HSPA14: variants seen among roughly 807,000 people sequenced by gnomAD.
HSPA14 encodes heat shock protein family A (Hsp70) member 14.
In HSPA14, 37 loss-of-function variants were observed where a neutral mutation model predicts 65.5. The ratio of observed to expected loss-of-function variants is 0.56; its 90% CI spans 0.43 to 0.74. The LOEUF (loss-of-function observed/expected upper bound fraction) is 0.74, where lower values mean the gene tolerates loss of function less well. Among genes scored for constraint, HSPA14 ranks in the 30% least tolerant of loss-of-function variants. The pLI is 0.00. For missense variants in HSPA14, 564 were observed against 607.6 expected (o/e 0.93, Z 0.75); for synonymous variants, 203 against 214.2 (o/e 0.95, Z 0.46).
At chr10:14,865,349 G>A (rs1050917853) in intron 10 of HSPA14, among the ~76,000 whole-genome samples, 11 of 151,214 alleles carry the variant, frequency 7.3e-5, no homozygotes, top group African/African-American at 2.7e-4. Flanking sequence ...TGTCAATTTT[G>A]GCTTTTGTTG....
rs1832687886 is a variant in HSPA14 at position 14,855,853 on chromosome 10, A to T, written c.903A>T (p.Glu301Asp). 2 of 1,593,990 alleles carry T rather than the reference A, an allele frequency of 1.3e-6. No individual in the cohort carries two copies. Among genetic ancestry groups the T allele is most frequent in the South Asian group, 2.2e-5 (2 of 90,592 alleles). Reference sequence around the variant, plus strand: ...TATGTGTGTACAGAGCAAGATTTGAACTTCTTTGTTCTCCACTTTTTAATA... The same window carrying T: ...TATGTGTGTACAGAGCAAGATTTGATCTTCTTTGTTCTCCACTTTTTAATA... ...FDCNVSRARF[E>D]LLCSPLFNKC... The change falls in exon 10 of 14, where the codon GAA becomes GAT. Residue 301 changes from glutamate to aspartate, a missense_variant. By Grantham distance (45) the Glu-to-Asp change is conservative (BLOSUM62 2). Coordinates refer to ENST00000378372, the MANE Select transcript of HSPA14 (RefSeq NM_016299.4).
At chr10:14,867,626 C>T (rs1276826121) in intron 11 of HSPA14, 110 bp from the exon 12 acceptor site, 2 of 896,010 alleles carry the variant, frequency 2.2e-6, no homozygotes, top group Non-Finnish European at 3.4e-6. Flanking sequence ...TTCTCTTTGC[C>T]TAGTGTCCTG....
chr10:14,844,162 T>G, intron 3 of HSPA14: 1 of 1,281,310 alleles, frequency 7.8e-7, no homozygotes, highest in Admixed American at 3.7e-5. Flanking sequence ...GTCACAGATG[T>G]GAAGCAGTTT....
At chr10:14,839,072 C>T (rs1483585798) in intron 1 of HSPA14, among the ~76,000 whole-genome samples, 1 of 152,328 alleles carries the variant, frequency 6.6e-6, no homozygotes, top group East Asian at 1.9e-4. Context: ...GCAAAGCTGC[C>T]TGGCTGTGAA....
Position 14,867,257 on chromosome 10 carries a change from C to T in HSPA14, c.1168C>T (p.Leu390Phe). The T allele has an allele frequency of 6.2e-7, 1 of 1,613,468 alleles. No homozygotes were observed. Among genetic ancestry groups the T allele is most frequent in the Non-Finnish European group, 8.5e-7 (1 of 1,179,528 alleles). ...AGAAAACCTGTTGGTGGAAGACTCT[C>T]TTATGATAGAGTGTTCAGCCAGAGA... ...GKENLLVEDSLMIECSARDIL... is the reference protein window; with the variant it reads ...GKENLLVEDSFMIECSARDIL... Residue 390 changes from leucine (L) to phenylalanine (F), a missense_variant, in exon 11 of 14, where the codon CTT becomes TTT. Leu to Phe is a conservative substitution (Grantham distance 22). Coordinates refer to ENST00000378372, the MANE Select transcript of HSPA14 (RefSeq NM_016299.4).
At chr10:14,858,257 T>G (rs1832724565) in intron 10 of HSPA14, among the ~76,000 whole-genome samples, 1 of 152,194 alleles carries the variant, frequency 6.6e-6, no homozygotes, top group Admixed American at 6.5e-5. Context: ...TTCCCTTTCT[T>G]AACCAACCGG....
chr10:14,838,326 A>T lies in HSPA14; in HGVS notation c.-77A>T. 1 of 1,430,514 alleles carries T rather than the reference A, an allele frequency of 7.0e-7. No homozygotes were observed. Among genetic ancestry groups the T allele is most frequent in the Non-Finnish European group, 9.6e-7 (1 of 1,045,636 alleles). 88.6% of individuals were successfully genotyped at this position (1,430,514 alleles called of 1,614,324 possible). A position where few individuals can be genotyped will look rare whatever the true frequency, so the allele number is the denominator to read the frequency against. On this transcript the variant is annotated 5_prime_UTR_variant, in exon 1 of 14. It removes an upstream start codon present in the reference 5' UTR. Coordinates refer to ENST00000378372, the MANE Select transcript of HSPA14 (RefSeq NM_016299.4). ...GGAACGTGAAGCTCCGCGGTGCCTG[A>T]TGGGGCCGTTGGGCGGCCGGTAGCT...
Position 14,839,891 on chromosome 10 carries a change from G to GT in HSPA14, c.58-7dup, listed in dbSNP as rs1217770395. The GT allele has an allele frequency of 3.7e-6, 6 of 1,603,650 alleles. No individual in the cohort carries two copies. Among genetic ancestry groups the GT allele is most frequent in the Admixed American group, 1.7e-5 (1 of 59,888 alleles). On this transcript the variant is annotated splice_polypyrimidine_tract_variant and intron_variant, in intron 1 of 13. Coordinates refer to ENST00000378372, the MANE Select transcript of HSPA14 (RefSeq NM_016299.4). ...CGTCTAATGAGACTATGTATTTCGT[G>GT]TTTTTTTCTCTAGGATGGCCGGGCT...
chr10:14,849,118 T>C (rs905874992), intron 5 of HSPA14, among the ~76,000 whole-genome samples: 1 of 152,224 alleles, frequency 6.6e-6, no homozygotes, highest in Non-Finnish European at 1.5e-5. Context: ...GTCATATAAA[T>C]GAATTAGGCC....
chr10:14,844,639 G>T, intron 3 of HSPA14: 1 of 984,536 alleles, frequency 1.0e-6, no homozygotes, highest in Non-Finnish European at 1.2e-6. Context: ...AAGGAAATAA[G>T]AAGTGCCAGG....
In HSPA14 at chr10:14,868,526, C is replaced by CACACACACACAT. The variant is rs879368010; in HGVS notation, c.1380+617_1380+618insACACACACACAT. Among the ~76,000 whole-genome samples, 391 of 152,076 alleles carry CACACACACACAT rather than the reference C, an allele frequency of 2.6e-3. 3 individuals are homozygous for CACACACACACAT. The highest frequency in any genetic ancestry group is 8.9e-3 in the African/African-American group (369 of 41,424). On this transcript the variant is annotated intron_variant, in intron 12 of 13. Transcript: ENST00000378372. ...TCACACACACACACACACACACACACGGACTGCAGAACAGTATTTGTATTA... is the reference window on the plus strand; with the variant it reads ...TCACACACACACACACACACACACACACACACACACATGGACTGCAGAACAGTATTTGTATTA...
At chr10:14,865,221 A>C (rs1369806342) in intron 10 of HSPA14, among the ~76,000 whole-genome samples, 8 of 152,162 alleles carry the variant, frequency 5.3e-5, no homozygotes, top group Admixed American at 5.2e-4. Context: ...TGTGGATATT[A>C]GCCCTTTGTC....
At chr10:14,856,085 G>GA in intron 10 of HSPA14, 142 bp downstream of exon 10, 1 of 616,852 alleles carries the variant, frequency 1.6e-6, no homozygotes. Flanking sequence ...AAAAATTGAT[G>GA]AAATTTTGAT....
intron 10 of HSPA14, among the ~76,000 whole-genome samples, chr10:14,858,450 T>G: frequency 6.6e-6 from 1 of 152,290 alleles, no homozygotes; most frequent in African/African-American, 2.4e-5. Context: ...CTTGGTACAG[T>G]AAGAAAATAC....
In HSPA14 at chr10:14,845,163, CA is replaced by C. The variant is rs991373059; in HGVS notation, c.222-3445del. The stretch of plus-strand genomic sequence containing the variant: ...GGGGAGAGATGAAGGTGATAAGCCA[CA>C]CTTCCGATTTACTCTAGAAGGGAAG... On this transcript the variant is annotated intron_variant, in intron 3 of 13. Coordinates refer to ENST00000378372, the MANE Select transcript of HSPA14 (RefSeq NM_016299.4). 210 of 985,450 alleles carry C rather than the reference CA, an allele frequency of 2.1e-4. No individual in the cohort carries two copies. The Middle Eastern group carries it at 4.7e-3, about 22-fold the overall frequency. 61.0% of individuals were successfully genotyped at this position (985,450 alleles called of 1,614,324 possible). A position where few individuals can be genotyped will look rare whatever the true frequency, so the allele number is the denominator to read the frequency against.
chr10:14,838,526 C>A, intron 1 of HSPA14, 67 bp downstream of exon 1: 1 of 1,456,362 alleles, frequency 6.9e-7, no homozygotes, highest in Non-Finnish European at 9.3e-7. Context: ...CTGGGTCATC[C>A]ACAGGCTTGA....
At chr10:14,850,382 C>T (rs951951183) in intron 6 of HSPA14, among the ~76,000 whole-genome samples, 12 of 152,068 alleles carry the variant, frequency 7.9e-5, no homozygotes, top group Non-Finnish European at 1.5e-4. Flanking sequence ...AATCTCTTTG[C>T]CTTAATTTTG....
chr10:14,840,393 T>C lies in HSPA14; in HGVS notation c.221+236T>C, dbSNP rs151330834. On this transcript the variant is annotated intron_variant, in intron 3 of 13. Coordinates refer to ENST00000378372, the MANE Select transcript of HSPA14 (RefSeq NM_016299.4). Reference sequence around the variant, plus strand: ...CTTGCTGACAGGTCAATTTGGTAATTTGCGTCAGAGGTGGTAATTTGGATT... The same window carrying C: ...CTTGCTGACAGGTCAATTTGGTAATCTGCGTCAGAGGTGGTAATTTGGATT... Among the ~76,000 whole-genome samples, 930 of 152,332 alleles carry C rather than the reference T, an allele frequency of 6.1e-3. 7 individuals carry two copies. Among genetic ancestry groups the C allele is most frequent in the Middle Eastern group, 0.037 (11 of 294 alleles).
rs112004663 is a variant in HSPA14 at position 14,845,553 on chromosome 10, A to G, written c.222-3056A>G. 37 of 983,144 alleles carry G rather than the reference A, an allele frequency of 3.8e-5. No homozygotes were observed. In the African/African-American group the frequency reaches 5.2e-4, roughly 14 times the overall value. 60.9% of individuals were successfully genotyped at this position (983,144 alleles called of 1,614,324 possible). A position where few individuals can be genotyped will look rare whatever the true frequency, so the allele number is the denominator to read the frequency against. ...AATTCCTGGATTGGAATCCTGTCACAGTTTGTTTCATCAGACAAATCACTT... is the reference window on the plus strand; with the variant it reads ...AATTCCTGGATTGGAATCCTGTCACGGTTTGTTTCATCAGACAAATCACTT... On this transcript the variant is annotated intron_variant, in intron 3 of 13. Coordinates refer to ENST00000378372, the MANE Select transcript of HSPA14 (RefSeq NM_016299.4).
Sources: allele counts gnomAD v4.1 joint callset (sites outside exome capture counted in the v4.1 genomes callset), GRCh38; gene constraint gnomAD v4.1.1; transcripts MANE v1.5; gene names NCBI Gene and HGNC (gene_info 2026-07-23, HGNC 2026-07-21).